HCN1: variants seen among roughly 807,000 people sequenced by gnomAD.
HCN1 encodes the protein potassium/sodium hyperpolarization-activated cyclic nucleotide-gated channel 1.
Under a neutral mutation model 78.9 loss-of-function variants are expected in HCN1, and 13 were observed. The observed-to-expected ratio is 0.16, with a 90% CI of 0.11 to 0.26. HCN1 has a LOEUF of 0.26. Among genes scored for constraint, HCN1 ranks in the 10% least tolerant of loss-of-function variants. The pLI, the probability that HCN1 is intolerant of heterozygous loss-of-function variation, is 1.00. For missense variants in HCN1, 810 were observed against 1,154.3 expected, an observed-to-expected ratio of 0.70 and a Z score of 4.32; for synonymous variants, 552 against 455.5, an observed-to-expected ratio of 1.21 and a Z score of -2.70.
In HCN1 at chr5:45,343,071, G is replaced by T. The variant is rs140799600; in HGVS notation, c.1377+10029C>A. On this transcript the variant is annotated intron_variant, in intron 5 of 7. Transcript: ENST00000303230. ...ATTTGAATTCAATTTTCCCAAGAGA[G>T]GAGAGACATTTCTGGAACACATGTG... 4.1e-4 allele frequency among the ~76,000 whole-genome samples: 62 copies of T among 152,236 alleles called. No individual in the cohort carries two copies. In the East Asian group the frequency reaches 0.012, roughly 29 times the overall value.
intron 3 of HCN1, among the ~76,000 whole-genome samples, chr5:45,435,122 A>T (rs1040985448): frequency 6.6e-6 from 1 of 152,106 alleles, no homozygotes; most frequent in African/African-American, 2.4e-5. Context: ...TATATTTTAC[A>T]GTACAGTTTT....
chr5:45,385,118 A>C (rs1280583889), intron 4 of HCN1, among the ~76,000 whole-genome samples: 1 of 152,154 alleles, frequency 6.6e-6, no homozygotes, highest in Admixed American at 6.5e-5. Context: ...TCCTGTGCAC[A>C]CTCAGAATAC....
chr5:45,588,352 G>A (rs1310424855), intron 2 of HCN1, among the ~76,000 whole-genome samples: 1 of 152,144 alleles, frequency 6.6e-6, no homozygotes, highest in African/African-American at 2.4e-5. Context: ...TTGGCCACTC[G>A]AATACTGAGA....
intron 3 of HCN1, among the ~76,000 whole-genome samples, chr5:45,406,284 CAT>C (rs1281326035): frequency 6.6e-6 from 1 of 152,034 alleles, no homozygotes; most frequent in East Asian, 1.9e-4. Flanking sequence ...ACATATTTTA[CAT>C]ATGTTTATAT....
At chr5:45,514,328 TC>T (rs1351750659) in intron 2 of HCN1, among the ~76,000 whole-genome samples, 1 of 152,112 alleles carries the variant, frequency 6.6e-6, no homozygotes, top group Non-Finnish European at 1.5e-5. Context: ...GCCACAATCA[TC>T]CCTTATGTGA....
intron 5 of HCN1, among the ~76,000 whole-genome samples, chr5:45,320,682 AATCTTGAAGGTTTAGAT>A (rs1327939482): frequency 3.3e-5 from 5 of 151,770 alleles, no homozygotes; most frequent in African/African-American, 1.2e-4. Flanking sequence ...AATCACCACA[AATCTTGAAGGTTTAGAT>A]ATTAACCAAC....
intron 2 of HCN1, among the ~76,000 whole-genome samples, chr5:45,489,698 A>C (rs149922899): frequency 6.6e-6 from 1 of 152,298 alleles, no homozygotes; most frequent in African/African-American, 2.4e-5. Context: ...GAGTCAATCT[A>C]TGATGAGCCA....
intron 2 of HCN1, among the ~76,000 whole-genome samples, chr5:45,508,552 T>C (rs1462523305): frequency 6.6e-6 from 1 of 151,930 alleles, no homozygotes; most frequent in South Asian, 2.1e-4. Flanking sequence ...GGGAAAAAAA[T>C]AGGGAAAGAA....
intron 2 of HCN1, chr5:45,575,437 G>A (rs1190154868): frequency 6.6e-6 from 1 of 152,070 alleles, no homozygotes; most frequent in African/African-American, 2.4e-5. Context: ...TTGTGGTGGG[G>A]GCGGGGAGGG....
intron 6 of HCN1, among the ~76,000 whole-genome samples, chr5:45,302,720 T>C (rs1745652580): frequency 6.6e-6 from 1 of 151,920 alleles, no homozygotes; most frequent in African/African-American, 2.4e-5. Context: ...CCTCCCAGAA[T>C]TCCCACATTT....
intron 5 of HCN1, among the ~76,000 whole-genome samples, chr5:45,318,943 C>T (rs1379634723): frequency 3.3e-5 from 5 of 151,922 alleles, no homozygotes; most frequent in African/African-American, 1.2e-4. Context: ...AATGAGGTTG[C>T]ATACTGTGTA....
intron 2 of HCN1, among the ~76,000 whole-genome samples, chr5:45,635,189 A>G (rs1009780218): frequency 1.3e-5 from 2 of 152,048 alleles, no homozygotes; most frequent in African/African-American, 4.8e-5. Flanking sequence ...TTAGACTTTC[A>G]ATTTTAGAGT....
chr5:45,670,587 C>T (rs1194006040), intron 1 of HCN1, among the ~76,000 whole-genome samples: 1 of 151,610 alleles, frequency 6.6e-6, no homozygotes, highest in African/African-American at 2.4e-5. Flanking sequence ...AATTGTCATG[C>T]CCCTACACTA....
At position 45,664,568 on chromosome 5, in the gene HCN1, C is replaced by G. The variant is rs989936710; in HGVS notation, c.426-18960G>C. On this transcript the variant is annotated intron_variant, in intron 1 of 7. Transcript: ENST00000303230. ...TACTCATCTGACAAAGGGCTAATAT[C>G]CAGAATCTACAATGAACTCAAACAA... Among the ~76,000 whole-genome samples, 103 of 150,890 alleles carry G rather than the reference C, an allele frequency of 6.8e-4. 2 individuals are homozygous for G. The highest frequency in any genetic ancestry group is 1.8e-3 in the Admixed American group (28 of 15,166).
chr5:45,511,630 T>C (rs1742417854), intron 2 of HCN1, among the ~76,000 whole-genome samples: 1 of 152,080 alleles, frequency 6.6e-6, no homozygotes, highest in Non-Finnish European at 1.5e-5. Flanking sequence ...ACATTTTATA[T>C]AACAGCTTCT....
chr5:45,369,352 T>A (rs975037809), intron 4 of HCN1, among the ~76,000 whole-genome samples: 1 of 151,872 alleles, frequency 6.6e-6, no homozygotes, highest in Admixed American at 6.6e-5. Flanking sequence ...TCTCATATTA[T>A]CCTTCTAAAA....
At chr5:45,279,947 C>A (rs1201883457) in intron 6 of HCN1, among the ~76,000 whole-genome samples, 2 of 151,980 alleles carry the variant, frequency 1.3e-5, no homozygotes, top group East Asian at 1.9e-4. Context: ...CCCTCACTTT[C>A]CTGAGGAGTC....
At chr5:45,375,165 T>C (rs1298220203) in intron 4 of HCN1, among the ~76,000 whole-genome samples, 5 of 121,714 alleles carry the variant, frequency 4.1e-5, no homozygotes, top group African/African-American at 9.6e-5. Context: ...ATATATAATA[T>C]ATTTTATAAT....
chr5:45,443,620 T>C (rs1740727625), intron 3 of HCN1, among the ~76,000 whole-genome samples: 1 of 152,086 alleles, frequency 6.6e-6, no homozygotes, highest in Admixed American at 6.5e-5. Context: ...ATGAGAATAA[T>C]CAGCAATGAA....
Sources: allele counts gnomAD v4.1 joint callset (sites outside exome capture counted in the v4.1 genomes callset), GRCh38; gene constraint gnomAD v4.1.1; transcripts MANE v1.5; gene names NCBI Gene and HGNC (gene_info 2026-07-23, HGNC 2026-07-21).